The following NREP variants were observed in gnomAD, a reference collection of about 807,000 sequenced individuals.
NREP encodes neuronal regeneration related protein.
NREP carries 5 observed loss-of-function variants against 8.6 expected under a neutral mutation model. The ratio of observed to expected loss-of-function variants is 0.58; its 90% CI spans 0.30 to 1.22. NREP has a LOEUF of 1.22. Among genes scored for constraint, NREP ranks in the 50% most tolerant of loss-of-function variants. The probability of loss-of-function intolerance (pLI) is 0.07; values close to 1 mark genes in which losing one functional copy is unlikely to be tolerated. For synonymous variants in NREP, 27 were observed against 28.0 expected (o/e 0.96, Z 0.11); for missense variants, 86 against 82.5 (o/e 1.04, Z -0.17).
chr5:111,798,524 C>T (rs1319408339), intron 2 of NREP, among the ~76,000 whole-genome samples: 1 of 152,132 alleles, frequency 6.6e-6, no homozygotes, highest in African/African-American at 2.4e-5. Context: ...ACCCCCAACT[C>T]TTTCCCCCGA....
intron 2 of NREP, among the ~76,000 whole-genome samples, chr5:111,741,826 C>CATACACACAG (rs1554095248): frequency 1.8e-3 from 251 of 141,138 alleles, no homozygotes; most frequent in African/African-American, 6.5e-3. Context: ...CACACACATA[C>CATACACACAG]ACACACACAC....
At chr5:111,887,570 G>A (rs932209798) in intron 2 of NREP, among the ~76,000 whole-genome samples, 1 of 152,164 alleles carries the variant, frequency 6.6e-6, no homozygotes, top group African/African-American at 2.4e-5. Context: ...CAGAGTAGCA[G>A]CCTATAATTT....
intron 3 of NREP, chr5:111,734,770 A>G (rs1404671528): frequency 7.2e-6 from 5 of 698,030 alleles, no homozygotes; most frequent in Non-Finnish European, 1.3e-5. Flanking sequence ...CATTGGTTAA[A>G]AAGTATACTC....
intron 2 of NREP, among the ~76,000 whole-genome samples, chr5:111,835,976 C>T (rs1363725582): frequency 6.6e-6 from 1 of 151,964 alleles, no homozygotes; most frequent in African/African-American, 2.4e-5. Context: ...GTGAGGAAAG[C>T]CAAGAATTCA....
chr5:111,797,532 C>T (rs924091143), intron 2 of NREP, among the ~76,000 whole-genome samples: 2 of 152,142 alleles, frequency 1.3e-5, no homozygotes, highest in African/African-American at 4.8e-5. Flanking sequence ...TATATACTTT[C>T]TTTTACTAAA....
At chr5:111,855,011 ATTTT>A (rs199697888) in intron 2 of NREP, among the ~76,000 whole-genome samples, 1 of 151,740 alleles carries the variant, frequency 6.6e-6, no homozygotes, top group Non-Finnish European at 1.5e-5. Context: ...CAGGTCACTG[ATTTT>A]TTTTTATTAA....
chr5:111,863,897 C>G (rs1044628383), intron 2 of NREP, among the ~76,000 whole-genome samples: 5 of 152,104 alleles, frequency 3.3e-5, no homozygotes, highest in African/African-American at 1.2e-4. Context: ...CATACCTTGG[C>G]AATTAGATCC....
At chr5:111,770,658 C>G (rs938000843) in intron 2 of NREP, among the ~76,000 whole-genome samples, 2 of 150,838 alleles carry the variant, frequency 1.3e-5, no homozygotes, top group Non-Finnish European at 2.9e-5. Context: ...ACAGCCTCCC[C>G]CTCCCAGGCT....
intron 2 of NREP, among the ~76,000 whole-genome samples, chr5:111,916,687 C>A (rs1286769985): frequency 6.6e-6 from 1 of 152,108 alleles, no homozygotes; most frequent in African/African-American, 2.4e-5. Context: ...CTTCAGTTTC[C>A]TCAAATGTAT....
intron 2 of NREP, among the ~76,000 whole-genome samples, chr5:111,777,019 G>A (rs1164405527): frequency 2.7e-5 from 4 of 150,390 alleles, no homozygotes; most frequent in Admixed American, 1.3e-4. Flanking sequence ...GGAGGTGGAG[G>A]AGGAGGAGGA....
At chr5:111,880,203 G>A (rs1754016489) in intron 2 of NREP, among the ~76,000 whole-genome samples, 1 of 152,032 alleles carries the variant, frequency 6.6e-6, no homozygotes, top group African/African-American at 2.4e-5. Flanking sequence ...TCTGTAAAAT[G>A]GGTACCTACC....
At chr5:111,922,299 A>AT (rs1755265992) in intron 2 of NREP, among the ~76,000 whole-genome samples, 1 of 152,020 alleles carries the variant, frequency 6.6e-6, no homozygotes, top group African/African-American at 2.4e-5. Context: ...TGCCTTTGAG[A>AT]TCCCCTGAGT....
At chr5:111,937,578 G>C (rs1755718824) in intron 2 of NREP, among the ~76,000 whole-genome samples, 1 of 152,062 alleles carries the variant, frequency 6.6e-6, no homozygotes, top group Admixed American at 6.6e-5. Flanking sequence ...AACAAAGTTT[G>C]AAGAGACACA....
Position 111,777,023 on chromosome 5 carries a change from A to T in NREP, c.136-41516T>A. The stretch of plus-strand genomic sequence containing the variant: ...AGGAGGAGGAAGGAGGTGGAGGAGG[A>T]GGAGGAAGGAGGTGGAGGAGGAGGA... On this transcript the variant is annotated intron_variant, in intron 2 of 3. Coordinates refer to the NREP transcript ENST00000395634. Among the ~76,000 whole-genome samples, 2 of 150,126 alleles carry T rather than the reference A, an allele frequency of 1.3e-5. 1 individual carries two copies. The highest frequency in any genetic ancestry group is 4.2e-4 in the South Asian group (2 of 4,726).
rs150120632 is a variant in NREP, at chr5:111,966,564, T to C, written c.135+8710A>G. On this transcript the variant is annotated intron_variant, in intron 2 of 3. Transcript: ENST00000395634. ...TAAAAATGATTTGCAATAACAAATATATAGATTTGATAAGACAGGAAAAAC... is the reference window on the plus strand; with the variant it reads ...TAAAAATGATTTGCAATAACAAATACATAGATTTGATAAGACAGGAAAAAC... Among the ~76,000 whole-genome samples, 897 of 152,182 alleles carry C rather than the reference T, an allele frequency of 5.9e-3. 9 individuals are homozygous for C. Among genetic ancestry groups the C allele is most frequent in the African/African-American group, 0.021 (861 of 41,508 alleles).
At chr5:111,792,978 C>CA (rs1052815361) in intron 2 of NREP, among the ~76,000 whole-genome samples, 7 of 152,056 alleles carry the variant, frequency 4.6e-5, no homozygotes, top group African/African-American at 1.4e-4. Flanking sequence ...AGTTGAACAT[C>CA]ACTATGCAAA....
chr5:111,782,432 G>T (rs541152622), intron 2 of NREP, among the ~76,000 whole-genome samples: 12 of 152,322 alleles, frequency 7.9e-5, no homozygotes, highest in African/African-American at 2.9e-4. Flanking sequence ...AAGCCTCAGA[G>T]ATGTGATCAT....
chr5:111,868,304 T>C (rs76660335), intron 2 of NREP, among the ~76,000 whole-genome samples: 1 of 152,080 alleles, frequency 6.6e-6, no homozygotes, highest in East Asian at 1.9e-4. Context: ...CAAACAAATT[T>C]AATGTTGAAA....
At chr5:111,836,830 C>T (rs1752907848) in intron 2 of NREP, among the ~76,000 whole-genome samples, 2 of 151,958 alleles carry the variant, frequency 1.3e-5, no homozygotes, top group South Asian at 4.1e-4. Flanking sequence ...AAGGGTGTCC[C>T]GTGTTTTAAC....
Sources: allele counts gnomAD v4.1 joint callset (sites outside exome capture counted in the v4.1 genomes callset), GRCh38; gene constraint gnomAD v4.1.1; transcripts MANE v1.5; gene names NCBI Gene and HGNC (gene_info 2026-07-23, HGNC 2026-07-21).